FCHSD2: variants seen among roughly 807,000 people sequenced by gnomAD.
The protein encoded by FCHSD2 is FCH and double SH3 domains 2.
Under a neutral mutation model 108.1 loss-of-function variants are expected in FCHSD2, and 38 were observed. The ratio of observed to expected loss-of-function variants is 0.35; its 90% CI spans 0.27 to 0.46. The LOEUF (loss-of-function observed/expected upper bound fraction) is 0.46, where lower values mean the gene tolerates loss of function less well. FCHSD2 is among the 20% of genes least tolerant of loss of function. The pLI is 1.00. For missense variants in FCHSD2, 751 were observed against 897.8 expected, an observed-to-expected ratio of 0.84 and a Z score of 2.09; for synonymous variants, 279 against 314.7, an observed-to-expected ratio of 0.89 and a Z score of 1.20.
rs562908353 is a variant in FCHSD2, at chr11:73,078,008, T to C, written c.165+5687A>G. On this transcript the variant is annotated intron_variant, in intron 3 of 19. Transcript: ENST00000409418. ...AGAGGAATTTCTGGGATGCTGTTAA[T>C]GTGTTTCTTTACCTGGGTGCTAGTT... Among the ~76,000 whole-genome samples the C allele has an allele frequency of 2.4e-3, 363 of 152,328 alleles. 1 individual carries two copies. Among genetic ancestry groups the C allele is most frequent in the African/African-American group, 8.3e-3 (344 of 41,578 alleles).
At chr11:72,857,488 G>C (rs1430852715) in intron 13 of FCHSD2, among the ~76,000 whole-genome samples, 2 of 149,350 alleles carry the variant, frequency 1.3e-5, no homozygotes, top group Non-Finnish European at 3.0e-5. Flanking sequence ...GCCCAGGCTG[G>C]AGTGCAATGG....
At chr11:72,895,771 C>T (rs1202242612) in intron 10 of FCHSD2, among the ~76,000 whole-genome samples, 1 of 152,192 alleles carries the variant, frequency 6.6e-6, no homozygotes, top group Non-Finnish European at 1.5e-5. Context: ...ACGCAACACT[C>T]ATGTCTTTAG....
chr11:72,997,518 G>A (rs991393148), intron 5 of FCHSD2, among the ~76,000 whole-genome samples: 17 of 152,028 alleles, frequency 1.1e-4, no homozygotes, highest in African/African-American at 4.1e-4. Context: ...AAAAACCGCA[G>A]GCGGTTAAAA....
chr11:73,024,640 T>C (rs1299725970), intron 3 of FCHSD2, among the ~76,000 whole-genome samples: 1 of 151,984 alleles, frequency 6.6e-6, no homozygotes, highest in African/African-American at 2.4e-5. Flanking sequence ...CATTGACAAA[T>C]GGGATCTAAT....
At chr11:72,931,825 T>C (rs561744824) in intron 8 of FCHSD2, among the ~76,000 whole-genome samples, 4 of 152,334 alleles carry the variant, frequency 2.6e-5, no homozygotes, top group African/African-American at 9.6e-5. Flanking sequence ...ATCTGTCAAA[T>C]AGAATTGCAC....
At chr11:72,897,888 G>A (rs533389359) in intron 10 of FCHSD2, among the ~76,000 whole-genome samples, 1 of 152,230 alleles carries the variant, frequency 6.6e-6, no homozygotes, top group Non-Finnish European at 1.5e-5. Flanking sequence ...CAGCAAAAAA[G>A]ATGTATTTTA....
chr11:73,127,757 T>G (rs1591576738), intron 2 of FCHSD2, among the ~76,000 whole-genome samples: 1 of 152,114 alleles, frequency 6.6e-6, no homozygotes, highest in East Asian at 1.9e-4. Context: ...CTCCTTTAAA[T>G]TTAGGCACTT....
At chr11:73,105,823 C>T (rs1860329384) in intron 2 of FCHSD2, among the ~76,000 whole-genome samples, 1 of 152,096 alleles carries the variant, frequency 6.6e-6, no homozygotes, top group South Asian at 2.1e-4. Flanking sequence ...TGGTCTATGG[C>T]AGAATTAACC....
chr11:72,893,677 G>A (rs1227075552), intron 10 of FCHSD2, among the ~76,000 whole-genome samples: 2 of 151,314 alleles, frequency 1.3e-5, no homozygotes, highest in Non-Finnish European at 2.9e-5. Context: ...GCGTGGTGGC[G>A]CCGGAGGTTG....
intron 4 of FCHSD2, among the ~76,000 whole-genome samples, chr11:73,003,063 A>T (rs1482265275): frequency 6.6e-6 from 1 of 152,204 alleles, no homozygotes; most frequent in African/African-American, 2.4e-5. Flanking sequence ...AAATCCTTTC[A>T]TTAAAAAGAT....
chr11:72,991,889 T>C (rs1443165097), intron 5 of FCHSD2, among the ~76,000 whole-genome samples: 1 of 152,070 alleles, frequency 6.6e-6, no homozygotes, highest in Non-Finnish European at 1.5e-5. Flanking sequence ...CTATTCAACA[T>C]AGTGTTGGAA....
At chr11:72,934,492 G>A (rs1856261655) in intron 8 of FCHSD2, among the ~76,000 whole-genome samples, 1 of 151,884 alleles carries the variant, frequency 6.6e-6, no homozygotes, top group Non-Finnish European at 1.5e-5. Flanking sequence ...CACCATACCC[G>A]GGTAATTTTT....
At chr11:72,967,962 G>C (rs1856943205) in intron 8 of FCHSD2, among the ~76,000 whole-genome samples, 1 of 151,890 alleles carries the variant, frequency 6.6e-6, no homozygotes, top group South Asian at 2.1e-4. Context: ...ATGGTGGCGG[G>C]CACCTGTAGT....
rs551618779 is a variant in FCHSD2 at position 73,013,301 on chromosome 11, C to G, written c.242+2508G>C. 2.6e-5 allele frequency among the ~76,000 whole-genome samples: 4 copies of G among 152,278 alleles called. No individual in the cohort carries two copies. In the South Asian group the frequency reaches 8.3e-4, roughly 32 times the overall value. On this transcript the variant is annotated intron_variant, in intron 4 of 19. Transcript: ENST00000409418. ...TTATTTTCACTTAGAATTTCTTTTA[C>G]CAAACTGTCTGCCTGGAAAACTCCT...
intron 3 of FCHSD2, among the ~76,000 whole-genome samples, chr11:73,046,776 T>A (rs1184044294): frequency 6.6e-6 from 1 of 152,164 alleles, no homozygotes; most frequent in Non-Finnish European, 1.5e-5. Context: ...AAGACAGGGA[T>A]TTCACCATGT....
chr11:73,091,528 C>T (rs1389305912), intron 2 of FCHSD2, among the ~76,000 whole-genome samples: 1 of 150,292 alleles, frequency 6.7e-6, no homozygotes, highest in Non-Finnish European at 1.5e-5. Context: ...CAGCCTGGGC[C>T]ACAGAGTGAG....
chr11:72,857,479 C>T (rs1488459520), intron 13 of FCHSD2, among the ~76,000 whole-genome samples: 1 of 150,254 alleles, frequency 6.7e-6, no homozygotes, highest in African/African-American at 2.5e-5. Flanking sequence ...ACTCTTGTCG[C>T]CCAGGCTGGA....
intron 10 of FCHSD2, among the ~76,000 whole-genome samples, chr11:72,901,218 C>G (rs865995268): frequency 1.3e-5 from 2 of 151,566 alleles, no homozygotes; most frequent in African/African-American, 2.4e-5. Context: ...ATGGTGAGAC[C>G]CCCCCATCTC....
At chr11:72,927,150 G>A (rs1591405128) in intron 8 of FCHSD2, among the ~76,000 whole-genome samples, 1 of 152,092 alleles carries the variant, frequency 6.6e-6, no homozygotes, top group African/African-American at 2.4e-5. Context: ...AGCCTTTAAG[G>A]GTAAGGAAGA....
Sources: allele counts gnomAD v4.1 joint callset (sites outside exome capture counted in the v4.1 genomes callset), GRCh38; gene constraint gnomAD v4.1.1; transcripts MANE v1.5; gene names NCBI Gene and HGNC (gene_info 2026-07-23, HGNC 2026-07-21).